Variants in STXBP5 observed in about 807,000 individuals in gnomAD.
STXBP5 encodes syntaxin-binding protein 5.
STXBP5 carries 50 observed loss-of-function variants against 152.4 expected under a neutral mutation model. That is an observed-to-expected ratio of 0.33 (90% CI 0.26 to 0.42). The LOEUF (loss-of-function observed/expected upper bound fraction) is 0.42. Among genes scored for constraint, STXBP5 ranks in the 10% least tolerant of loss-of-function variants. STXBP5 has a pLI of 1.00. For missense variants in STXBP5, 1,167 were observed against 1,388.6 expected, an observed-to-expected ratio of 0.84 and a Z score of 2.54; for synonymous variants, 492 against 494.7, an observed-to-expected ratio of 0.99 and a Z score of 0.07.
At chr6:147,302,821 G>A (rs368646736) in intron 9 of STXBP5, among the ~76,000 whole-genome samples, 198 of 152,196 alleles carry the variant, frequency 1.3e-3, no homozygotes, top group African/African-American at 4.3e-3. Context: ...GCATACTGGC[G>A]TATAACATGT....
At chr6:147,243,193 T>G (rs182359791) in intron 4 of STXBP5, among the ~76,000 whole-genome samples, 1 of 152,318 alleles carries the variant, frequency 6.6e-6, no homozygotes, top group Non-Finnish European at 1.5e-5. Flanking sequence ...TATACTATTT[T>G]GCATTCCCAC....
chr6:147,270,396 CAAAAAAAA>C, intron 7 of STXBP5, among the ~76,000 whole-genome samples: 1 of 90,168 alleles, frequency 1.1e-5, no homozygotes, highest in South Asian at 3.8e-4. Context: ...GAGACTCTGT[CAAAAAAAA>C]AAAAAAAAAA....
chr6:147,314,492 T>C, intron 13 of STXBP5, 104 bp from the exon 14 acceptor site: 2 of 1,363,348 alleles, frequency 1.5e-6, no homozygotes, highest in Non-Finnish European at 1.0e-6. Context: ...CCCTGATTTT[T>C]TTTACCTTTT....
chr6:147,215,929 A>C (rs1777142608), intron 2 of STXBP5, among the ~76,000 whole-genome samples: 1 of 152,116 alleles, frequency 6.6e-6, no homozygotes, highest in South Asian at 2.1e-4. Flanking sequence ...CTTTTTCTTA[A>C]TATCTTTCTT....
At chr6:147,215,780 A>C (rs917059284) in intron 2 of STXBP5, among the ~76,000 whole-genome samples, 1 of 152,138 alleles carries the variant, frequency 6.6e-6, no homozygotes, top group Non-Finnish European at 1.5e-5. Context: ...GAGGTGTGTT[A>C]TCTCTGGAAT....
At chr6:147,223,125 C>T (rs1777541595) in intron 2 of STXBP5, among the ~76,000 whole-genome samples, 1 of 152,156 alleles carries the variant, frequency 6.6e-6, no homozygotes, top group Non-Finnish European at 1.5e-5. Context: ...TTTCCATGCT[C>T]CTTACACACT....
chr6:147,297,139 C>T (rs1485817438), intron 9 of STXBP5, among the ~76,000 whole-genome samples: 1 of 152,042 alleles, frequency 6.6e-6, no homozygotes, highest in Non-Finnish European at 1.5e-5. Flanking sequence ...AGATTAAATT[C>T]AAAAGGTCCT....
In STXBP5 at chr6:147,385,507, T is replaced by C. The variant is rs1294139238; in HGVS notation, c.*752T>C. ...CATCATTCTGGGAGTTTCCATGTAGTGGCTATGCAGTGTGGAAAGTGAGAA... is the reference window on the plus strand; with the variant it reads ...CATCATTCTGGGAGTTTCCATGTAGCGGCTATGCAGTGTGGAAAGTGAGAA... On this transcript the variant is annotated 3_prime_UTR_variant, in exon 28 of 28. Transcript: ENST00000321680. 1 of 152,076 alleles carries C rather than the reference T, an allele frequency of 6.6e-6. No homozygotes were observed. Among genetic ancestry groups the C allele is most frequent in the Non-Finnish European group, 1.5e-5 (1 of 68,000 alleles). The allele number at this position is 152,076 out of a possible 1,614,324, so 9.4% of individuals were successfully genotyped here.
intron 21 of STXBP5, among the ~76,000 whole-genome samples, chr6:147,346,991 T>G (rs1582977405): frequency 1.3e-5 from 2 of 152,120 alleles, no homozygotes; most frequent in East Asian, 1.9e-4. Context: ...CAAGTGGAGC[T>G]GCAGTATCAG....
At chr6:147,316,474 T>C in intron 16 of STXBP5, 67 bp downstream of exon 16, 1 of 1,309,250 alleles carries the variant, frequency 7.6e-7, no homozygotes, top group Non-Finnish European at 1.0e-6. Flanking sequence ...TTGTAAGCAT[T>C]AGAGCTATGG....
chr6:147,262,178 T>C (rs1779674273), intron 5 of STXBP5, 112 bp from the exon 6 acceptor site: 3 of 688,954 alleles, frequency 4.4e-6, no homozygotes, highest in Non-Finnish European at 7.1e-6. Flanking sequence ...TGAAATCCTT[T>C]CTTTCTTTAT....
At chr6:147,323,678 C>A (rs539796224) in intron 16 of STXBP5, among the ~76,000 whole-genome samples, 3 of 152,292 alleles carry the variant, frequency 2.0e-5, no homozygotes, top group African/African-American at 7.2e-5. Flanking sequence ...AGGTGTGAGC[C>A]ACTGCACCCA....
chr6:147,322,669 CAT>C (rs1782996504), intron 16 of STXBP5, among the ~76,000 whole-genome samples: 1 of 152,192 alleles, frequency 6.6e-6, no homozygotes, highest in Non-Finnish European at 1.5e-5. Flanking sequence ...CCAGGCTTTG[CAT>C]ATGTTTTGCT....
chr6:147,234,360 A>G (rs971750952), intron 2 of STXBP5, among the ~76,000 whole-genome samples: 4 of 151,434 alleles, frequency 2.6e-5, no homozygotes, highest in African/African-American at 9.7e-5. Flanking sequence ...CTACAAATGT[A>G]CAGTTTTTTT....
intron 25 of STXBP5, among the ~76,000 whole-genome samples, chr6:147,370,086 G>A (rs909022312): frequency 1.3e-5 from 2 of 151,964 alleles, no homozygotes; most frequent in Admixed American, 6.6e-5. Flanking sequence ...AGGAGTAAAC[G>A]ATGCAATCAG....
chr6:147,255,305 G>A (rs887406841), intron 4 of STXBP5, among the ~76,000 whole-genome samples: 7 of 152,134 alleles, frequency 4.6e-5, no homozygotes, highest in African/African-American at 9.7e-5. Flanking sequence ...GAGGCGTGTC[G>A]GAGGGTGAGA....
chr6:147,330,040 T>C (rs1485057949), intron 18 of STXBP5, among the ~76,000 whole-genome samples: 1 of 152,142 alleles, frequency 6.6e-6, no homozygotes, highest in Non-Finnish European at 1.5e-5. Flanking sequence ...GACAAAACTG[T>C]TTAGGCTAAG....
At chr6:147,273,228 G>A (rs1338127225) in intron 7 of STXBP5, among the ~76,000 whole-genome samples, 1 of 137,224 alleles carries the variant, frequency 7.3e-6, no homozygotes. Flanking sequence ...CCTGGTAGTG[G>A]TAGCATGTAC....
rs373461641 is a variant in STXBP5 at position 147,332,348 on chromosome 6, C to T, written c.2081-1809C>T. 4.7e-4 allele frequency among the ~76,000 whole-genome samples: 72 copies of T among 151,972 alleles called. 3 individuals carry two copies. The South Asian group carries it at 0.013, about 26-fold the overall frequency. On this transcript the variant is annotated intron_variant, in intron 18 of 27. Transcript: ENST00000321680. Reference sequence around the variant, plus strand: ...ATACAGTAGATTACATTAATAGTGCCGAGGGGAAAAGTACTTGAAGGAGGA... The same window carrying T: ...ATACAGTAGATTACATTAATAGTGCTGAGGGGAAAAGTACTTGAAGGAGGA...
Sources: gnomAD v4.1 joint callset for allele counts (sites outside exome capture counted in the v4.1 genomes callset) on GRCh38, gnomAD v4.1.1 for gene constraint, MANE v1.5 for transcripts, NCBI Gene and HGNC (gene_info 2026-07-23, HGNC 2026-07-21) for gene names.